The following MACF1 variants were observed in gnomAD, a reference collection of about 807,000 sequenced individuals.
MACF1 encodes the protein microtubule-actin cross-linking factor 1.
MACF1 carries 193 observed loss-of-function variants against 854.8 expected under a neutral mutation model. The ratio of observed to expected loss-of-function variants is 0.23; its 90% confidence interval spans 0.20 to 0.25. The LOEUF is 0.25. MACF1 is among the 10% of genes least tolerant of loss of function. The pLI is 1.00. For missense variants in MACF1, 7,722 were observed against 8,929.1 expected, an observed-to-expected ratio of 0.86 and a Z score of 5.45; for synonymous variants, 3,185 against 3,226.7, an observed-to-expected ratio of 0.99 and a Z score of 0.44.
rs1052440596 is a variant in MACF1 at position 39,314,317 on chromosome 1, G to C, written c.3271-1196G>C. On this transcript the variant is annotated intron_variant, in intron 26 of 100. Transcript: ENST00000564288. ...CTAGCTACTTGGGAGGCTGAAGCAG[G>C]AGAATCATTTGTACCCGGGAGGCGG... Among the ~76,000 whole-genome samples, 6 of 152,072 alleles carry C rather than the reference G, an allele frequency of 3.9e-5. No individual in the cohort carries two copies. The South Asian group carries it at 1.2e-3, about 31-fold the overall frequency.
Position 39,332,220 on chromosome 1 carries a change from A to G in MACF1, c.5632A>G (p.Lys1878Glu). ...QGIVSTELAH[K>E]ILSNRQHIKA... is the part of the protein sequence containing the mutation. ...TATTGTGTCTACTGAACTAGCACAT[A>G]AAATCCTTAGTAACCGACAGCATAT... The change falls in exon 37 of 101, where the codon AAA becomes GAA. Residue 1878 changes from lysine (K) to glutamate (E), a missense_variant. Physicochemically the swap from Lys to Glu is moderately conservative, Grantham distance 56 (BLOSUM62 1). Coordinates refer to ENST00000564288, the MANE Select transcript of MACF1 (RefSeq NM_001394062.1). 6.2e-7 allele frequency: 1 copy of G among 1,614,150 alleles called. No homozygotes were observed. The highest frequency in any genetic ancestry group is 1.3e-5 in the African/African-American group (1 of 75,060).
chr1:39,118,280 G>A (rs746631140), intron 2 of MACF1, among the ~76,000 whole-genome samples: 16 of 152,354 alleles, frequency 1.1e-4, no homozygotes, highest in Non-Finnish European at 2.2e-4. Context: ...TCAGTGTAGG[G>A]AAAGAAGCTA....
In MACF1 at chr1:39,441,250, C is replaced by T. The variant is rs770147485; in HGVS notation, c.18597C>T (p.Asn6199=). The T allele has an allele frequency of 6.2e-7, 1 of 1,614,044 alleles. No homozygotes were observed. The highest frequency in any genetic ancestry group is 2.2e-5 in the East Asian group (1 of 44,878). Residue 6199 remains asparagine, a synonymous_variant, in exon 74 of 101, where the codon AAC becomes AAT. Transcript: ENST00000564288. Reference sequence around the variant, plus strand: ...TGAATAATGCTTGGGAGAACTTAAACAAAACATGGAAAGAGAGGCTAGAAA... The same window carrying T: ...TGAATAATGCTTGGGAGAACTTAAATAAAACATGGAAAGAGAGGCTAGAAA... ...DEMNNAWENL[N]KTWKERLEKL... is the part of the protein sequence containing the mutation.
chr1:39,414,277 C>T (rs577736695), intron 58 of MACF1: 131 of 1,613,900 alleles, frequency 8.1e-5, no homozygotes, highest in Non-Finnish European at 1.1e-4. Context: ...CATTGGTGTG[C>T]CCTTCCTGGG....
intron 2 of MACF1, chr1:39,102,587 A>T (rs766541366): frequency 4.3e-5 from 26 of 603,826 alleles, no homozygotes; most frequent in Non-Finnish European, 6.7e-5. Context: ...AGAGGCGCTG[A>T]AAGAAATAGA....
At chr1:39,219,016 A>G (rs1159367652) in intron 1 of MACF1, among the ~76,000 whole-genome samples, 1 of 152,140 alleles carries the variant, frequency 6.6e-6, no homozygotes, top group Non-Finnish European at 1.5e-5. Flanking sequence ...CCTGACCTCA[A>G]GTGATCCACC....
intron 2 of MACF1, among the ~76,000 whole-genome samples, chr1:39,236,316 G>C (rs975137139): frequency 3.9e-5 from 6 of 152,112 alleles, no homozygotes; most frequent in African/African-American, 1.4e-4. Flanking sequence ...CTCATACCTT[G>C]AGTTCTTGCT....
At chr1:39,107,900 A>G (rs1374854110) in intron 2 of MACF1, among the ~76,000 whole-genome samples, 1 of 152,202 alleles carries the variant, frequency 6.6e-6, no homozygotes, top group Non-Finnish European at 1.5e-5. Flanking sequence ...AAGGAGAGCT[A>G]AAATTTTCAG....
At chr1:39,364,669 T>C (rs143383087) in intron 49 of MACF1, among the ~76,000 whole-genome samples, 8,444 of 151,824 alleles carry the variant, frequency 0.056, 297 homozygotes, top group African/African-American at 0.098. Context: ...ATTTTTTGTA[T>C]TTTTAGTAGA....
chr1:39,448,105 A>T lies in MACF1; in HGVS notation c.20041A>T (p.Ile6681Leu). 1 of 1,614,126 alleles carries T rather than the reference A, an allele frequency of 6.2e-7. No homozygotes were observed. ...GAGTCACCTGGACTCAGAACTAGAG[A>T]TATCCAATGACCCAGACAAAATTAA... ...AESHLDSELEISNDPDKIKLQ... is the reference protein window; with the variant it reads ...AESHLDSELELSNDPDKIKLQ... The change falls in exon 83 of 101, where the codon ATA becomes TTA. Residue 6681 changes from isoleucine to leucine, a missense_variant. Ile to Leu is a conservative substitution (Grantham distance 5). Coordinates refer to ENST00000564288, the MANE Select transcript of MACF1 (RefSeq NM_001394062.1).
Position 39,387,211 on chromosome 1 carries a change from C to T in MACF1, c.14369C>T (p.Ala4790Val), listed in dbSNP as rs139258331. The change falls in exon 58 of 101, where the codon GCA becomes GTA. Residue 4790 changes from alanine to valine, a missense_variant. Ala to Val is a moderately conservative substitution (Grantham distance 64). This residue lies in a region of MACF1 where 2,807 missense variants were observed against 3,235.8 expected (regional missense o/e 0.87). Coordinates refer to ENST00000564288, the MANE Select transcript of MACF1 (RefSeq NM_001394062.1). ...GCCGATCGCATTAACAGACTCCAGG[C>T]AGCTCTTGCCAGCACCCAGCAGTTC... Reference protein sequence around the residue: ...LAADRINRLQAALASTQQFQQ... With the variant: ...LAADRINRLQVALASTQQFQQ... 331 of 1,613,910 alleles carry T rather than the reference C, an allele frequency of 2.1e-4. 3 individuals are homozygous for T. In the African/African-American group the frequency reaches 4.1e-3, roughly 20 times the overall value.
chr1:39,326,718 A>C (rs372111917), intron 35 of MACF1, among the ~76,000 whole-genome samples: 4 of 151,712 alleles, frequency 2.6e-5, no homozygotes, highest in Non-Finnish European at 5.9e-5. Context: ...AGAAAAAGAA[A>C]AGGCCCTAAA....
At chr1:39,459,352 C>G in intron 91 of MACF1, 103 bp downstream of exon 91, 1 of 1,263,204 alleles carries the variant, frequency 7.9e-7, no homozygotes. Flanking sequence ...TCTTAATTTA[C>G]TTTTTCACAA....
At chr1:39,153,586 A>C (rs947455864) in intron 2 of MACF1, among the ~76,000 whole-genome samples, 6 of 152,168 alleles carry the variant, frequency 3.9e-5, no homozygotes, top group Non-Finnish European at 7.3e-5. Flanking sequence ...GGTCTAATCC[A>C]CGTGAAGTAA....
At chr1:39,112,269 A>G (rs2088323958) in intron 2 of MACF1, among the ~76,000 whole-genome samples, 2 of 151,594 alleles carry the variant, frequency 1.3e-5, no homozygotes, top group African/African-American at 4.8e-5. Flanking sequence ...GTATTTTTTA[A>G]TAGAGACGGT....
intron 2 of MACF1, among the ~76,000 whole-genome samples, chr1:39,247,839 T>G (rs1644999628): frequency 6.6e-6 from 1 of 151,994 alleles, no homozygotes; most frequent in African/African-American, 2.4e-5. Flanking sequence ...GAGGCCAACA[T>G]GGTGAAACCC....
Position 39,388,670 on chromosome 1 carries a change from C to G in MACF1, c.15816+12C>G. The G allele has an allele frequency of 6.5e-7, 1 of 1,527,890 alleles. No homozygotes were observed. The highest frequency in any genetic ancestry group is 1.3e-5 in the South Asian group (1 of 78,692). 94.6% of individuals were successfully genotyped at this position (1,527,890 alleles called of 1,614,324 possible). ...TAGCAGATTTTAAAGTAAGTCTGAA[C>G]CTTGTTTTTCTTTTTCTTTTACATG... On this transcript the variant is annotated intron_variant, in intron 58 of 100. Transcript: ENST00000564288.
At position 39,410,159 on chromosome 1, in the gene MACF1, T is replaced by G. The variant is rs78977029; in HGVS notation, c.15817-12215T>G. The G allele has an allele frequency of 5.1e-3, 3,960 of 780,466 alleles. 13 individuals carry two copies. Among genetic ancestry groups the G allele is most frequent in the Non-Finnish European group, 6.0e-3 (3,070 of 513,130 alleles). The allele number at this position is 780,466 out of a possible 1,614,324, so 48.3% of individuals were successfully genotyped here. A position where few individuals can be genotyped will look rare whatever the true frequency, so the allele number is the denominator to read the frequency against. ...TGGAGGGCAGATGCAATTGGTGGTT[T>G]GGGGTATGAACAGCTAAAAGGATTT... On this transcript the variant is annotated intron_variant, in intron 58 of 100. Coordinates refer to ENST00000564288, the MANE Select transcript of MACF1 (RefSeq NM_001394062.1).
chr1:39,393,181 T>TAAAAAAAA (rs1192045357), intron 58 of MACF1, among the ~76,000 whole-genome samples: 10 of 90,246 alleles, frequency 1.1e-4, no homozygotes, highest in Admixed American at 2.4e-4. Flanking sequence ...CTGGGAAGGG[T>TAAAAAAAA]AAAAAAAAAA....
Sources: allele counts gnomAD v4.1 joint callset (sites outside exome capture counted in the v4.1 genomes callset), GRCh38; gene constraint gnomAD v4.1.1; regional missense constraint gnomAD v4.1.1; transcripts MANE v1.5; gene names NCBI Gene and HGNC (gene_info 2026-07-23, HGNC 2026-07-21).